TBC1D32: variants seen among roughly 807,000 people sequenced by gnomAD.
TBC1D32 encodes TBC1 domain family member 32, also known as protein broad-minded.
TBC1D32 carries 151 observed loss-of-function variants against 170.3 expected under a neutral mutation model. The ratio of observed to expected loss-of-function variants is 0.89; its 90% CI spans 0.78 to 1.01. The LOEUF is 1.01. Ranked by LOEUF, TBC1D32 falls within the 50% of genes least tolerant of loss-of-function variation. The pLI is 0.00. For synonymous variants in TBC1D32, 498 were observed against 488.0 expected (o/e 1.02, Z -0.27); for missense variants, 1,464 against 1,457.1 (o/e 1.00, Z -0.08).
intron 15 of TBC1D32, among the ~76,000 whole-genome samples, chr6:121,265,985 G>C (rs964135123): frequency 2.0e-5 from 3 of 152,048 alleles, no homozygotes; most frequent in South Asian, 2.1e-4. Flanking sequence ...AGAAAACCTA[G>C]ACAATACCAT....
At chr6:121,315,740 A>G (rs984345346) in intron 3 of TBC1D32, among the ~76,000 whole-genome samples, 1 of 152,052 alleles carries the variant, frequency 6.6e-6, no homozygotes, top group African/African-American at 2.4e-5. Flanking sequence ...ATTTTTAGAG[A>G]TCTTTTCAAT....
chr6:121,101,364 T>C (rs1284193393), intron 30 of TBC1D32, among the ~76,000 whole-genome samples: 2 of 151,892 alleles, frequency 1.3e-5, no homozygotes, highest in African/African-American at 2.4e-5. Context: ...CCAAATCCAG[T>C]AGCAAATCAA....
rs1270590819 is a variant in TBC1D32, at chr6:121,242,296, CA to C, written c.2061del (p.Phe687LeufsTer21). 6 of 1,612,482 alleles carry C rather than the reference CA, an allele frequency of 3.7e-6. No individual in the cohort carries two copies. The highest frequency in any genetic ancestry group is 5.1e-6 in the Non-Finnish European group (6 of 1,179,258). ...AGTAGTAATCCTTTGGGGGTGGCAG[CA>C]AAATGTAGTAAATCATCTAACAAAT... ...EDNLLDDLLH[F>X]AATPKGLLLL... On this transcript the variant is annotated frameshift_variant, in exon 18 of 32. Transcript: ENST00000398212. LOFTEE classifies it high-confidence loss of function.
intron 4 of TBC1D32, among the ~76,000 whole-genome samples, chr6:121,308,992 T>C (rs1807769473): frequency 6.6e-6 from 1 of 152,074 alleles, no homozygotes; most frequent in Non-Finnish European, 1.5e-5. Context: ...TAAAGCCTAG[T>C]CATTAAAAAG....
intron 12 of TBC1D32, among the ~76,000 whole-genome samples, chr6:121,291,833 G>T (rs959468124): frequency 1.3e-5 from 2 of 151,464 alleles, no homozygotes; most frequent in East Asian, 3.9e-4. Context: ...ATCCCTAAAG[G>T]CTGAAGGAAT....
At chr6:121,097,583 A>C (rs1777570716) in intron 30 of TBC1D32, among the ~76,000 whole-genome samples, 1 of 152,202 alleles carries the variant, frequency 6.6e-6, no homozygotes, top group Non-Finnish European at 1.5e-5. Context: ...GAACACTTTT[A>C]CACTTTTGGT....
intron 22 of TBC1D32, among the ~76,000 whole-genome samples, chr6:121,162,768 G>C (rs1477931912): frequency 6.9e-6 from 1 of 145,974 alleles, no homozygotes; most frequent in East Asian, 2.1e-4. Context: ...CCCAGCGTGA[G>C]CGACGCAGAA....
chr6:121,308,891 C>T (rs1807757540), intron 4 of TBC1D32, among the ~76,000 whole-genome samples: 1 of 152,090 alleles, frequency 6.6e-6, no homozygotes, highest in African/African-American at 2.4e-5. Flanking sequence ...TGGAACAAAG[C>T]TTTTCTCCCA....
chr6:121,150,432 C>T (rs1342249006), intron 24 of TBC1D32, among the ~76,000 whole-genome samples: 6 of 152,144 alleles, frequency 3.9e-5, no homozygotes, highest in African/African-American at 1.2e-4. Context: ...ATTTTTACGT[C>T]GATGTTCATC....
chr6:121,101,586 C>T (rs1250537511), intron 30 of TBC1D32, among the ~76,000 whole-genome samples: 2 of 152,050 alleles, frequency 1.3e-5, no homozygotes, highest in Admixed American at 6.6e-5. Flanking sequence ...TGGGACGTAT[C>T]TCAAAATAAT....
intron 22 of TBC1D32, among the ~76,000 whole-genome samples, chr6:121,201,211 G>A (rs2128299254): frequency 6.8e-6 from 1 of 147,578 alleles, no homozygotes; most frequent in South Asian, 2.3e-4. Flanking sequence ...AATACTGGTT[G>A]AGTAAATATA....
chr6:121,177,183 T>G (rs552898448), intron 22 of TBC1D32, among the ~76,000 whole-genome samples: 184 of 152,226 alleles, frequency 1.2e-3, no homozygotes, highest in African/African-American at 4.3e-3. Flanking sequence ...ATCCACAATG[T>G]TGGAGGTGGG....
chr6:121,188,377 G>T (rs1212062207), intron 22 of TBC1D32, among the ~76,000 whole-genome samples: 1 of 151,972 alleles, frequency 6.6e-6, no homozygotes, highest in African/African-American at 2.4e-5. Context: ...TAGGAAAAAG[G>T]ATACATAGTC....
Position 121,194,773 on chromosome 6 carries a change from A to T in TBC1D32, c.2570+10302T>A, listed in dbSNP as rs148153695. On this transcript the variant is annotated intron_variant, in intron 22 of 31. Coordinates refer to ENST00000398212, the MANE Select transcript of TBC1D32 (RefSeq NM_152730.6). ...CTCTCCAGCTTTATATCATAATCTT[A>T]CCCAGAGAGAACTTGATTGCTTTTT... is the stretch of plus-strand genomic sequence containing the variant. Among the ~76,000 whole-genome samples the T allele has an allele frequency of 6.7e-3, 1,021 of 152,294 alleles. 5 individuals are homozygous for T. The highest frequency in any genetic ancestry group is 0.01 in the Admixed American group (156 of 15,296).
chr6:121,275,341 T>C (rs996962806), intron 15 of TBC1D32, among the ~76,000 whole-genome samples: 3 of 152,166 alleles, frequency 2.0e-5, no homozygotes. Context: ...AACTGCTACT[T>C]TTTATAATAA....
At chr6:121,216,632 G>C (rs996769456) in intron 21 of TBC1D32, among the ~76,000 whole-genome samples, 4 of 152,158 alleles carry the variant, frequency 2.6e-5, no homozygotes, top group African/African-American at 9.7e-5. Flanking sequence ...CTCATGAGAG[G>C]CAAGGAATTT....
chr6:121,140,697 TC>T (rs1433368539), intron 24 of TBC1D32, among the ~76,000 whole-genome samples: 1 of 152,084 alleles, frequency 6.6e-6, no homozygotes, highest in East Asian at 1.9e-4. Flanking sequence ...GTTATTTTTT[TC>T]AATTGTGAAA....
intron 20 of TBC1D32, among the ~76,000 whole-genome samples, chr6:121,234,766 T>C (rs970961528): frequency 9.9e-5 from 15 of 152,216 alleles, no homozygotes; most frequent in African/African-American, 3.6e-4. Context: ...GCTGGTATGA[T>C]CATTTGGGAG....
intron 27 of TBC1D32, among the ~76,000 whole-genome samples, chr6:121,113,403 C>T (rs981283278): frequency 6.6e-6 from 1 of 152,076 alleles, no homozygotes; most frequent in African/African-American, 2.4e-5. Flanking sequence ...ATGATGATAT[C>T]CTGTAGATGA....
Sources: allele counts gnomAD v4.1 joint callset (sites outside exome capture counted in the v4.1 genomes callset), GRCh38; gene constraint gnomAD v4.1.1; transcripts MANE v1.5; gene names NCBI Gene and HGNC (gene_info 2026-07-23, HGNC 2026-07-21).